The following FSTL5 variants were observed in gnomAD, a reference collection of about 807,000 sequenced individuals.
FSTL5 encodes the protein follistatin-related protein 5.
Under a neutral mutation model 89.1 loss-of-function variants are expected in FSTL5, and 62 were observed. That is an observed-to-expected ratio of 0.70 (90% confidence interval 0.57 to 0.86). FSTL5 has a LOEUF of 0.86. Ranked by LOEUF, FSTL5 falls within the 40% of genes least tolerant of loss-of-function variation. FSTL5 has a pLI of 0.00. For missense variants in FSTL5, 1,057 were observed against 1,001.6 expected (o/e 1.06, Z -0.75); for synonymous variants, 383 against 346.2 (o/e 1.11, Z -1.18).
intron 6 of FSTL5, among the ~76,000 whole-genome samples, chr4:161,755,149 G>A (rs1485925043): frequency 1.3e-5 from 2 of 151,836 alleles, no homozygotes; most frequent in Non-Finnish European, 2.9e-5. Flanking sequence ...AATCAGACAA[G>A]GCATGATATG....
intron 5 of FSTL5, among the ~76,000 whole-genome samples, chr4:161,764,500 C>T (rs981217947): frequency 1.3e-5 from 2 of 152,142 alleles, no homozygotes; most frequent in African/African-American, 4.8e-5. Context: ...TTCAGGTTGT[C>T]CACCTGCCTC....
chr4:162,033,604 C>A, intron 3 of FSTL5, 21 bp downstream of exon 3: 3 of 1,367,022 alleles, frequency 2.2e-6, no homozygotes, highest in Non-Finnish European at 3.0e-6. Flanking sequence ...TAATTGTTAT[C>A]TTAAAGCAAT....
intron 3 of FSTL5, among the ~76,000 whole-genome samples, chr4:161,927,826 T>C (rs1010940760): frequency 6.6e-6 from 1 of 151,756 alleles, no homozygotes; most frequent in African/African-American, 2.4e-5. Flanking sequence ...GTGTAATACA[T>C]TGATATTTAC....
intron 4 of FSTL5, among the ~76,000 whole-genome samples, chr4:161,861,848 A>G (rs1731927575): frequency 6.6e-6 from 1 of 152,242 alleles, no homozygotes; most frequent in African/African-American, 2.4e-5. Context: ...AGAAAATCTG[A>G]TCAATGCATG....
intron 3 of FSTL5, among the ~76,000 whole-genome samples, chr4:161,927,633 T>C (rs976062052): frequency 4.6e-5 from 7 of 151,854 alleles, no homozygotes; most frequent in African/African-American, 1.4e-4. Flanking sequence ...TTTTACAATA[T>C]ACTTTTTTCC....
chr4:161,719,862 C>A (rs951136421), intron 6 of FSTL5, among the ~76,000 whole-genome samples: 28 of 152,154 alleles, frequency 1.8e-4, no homozygotes, highest in African/African-American at 6.7e-4. Flanking sequence ...GTTTTTGGGA[C>A]TCTTTAGAAC....
chr4:161,783,875 C>G (rs1228920066), intron 4 of FSTL5, among the ~76,000 whole-genome samples: 1 of 149,946 alleles, frequency 6.7e-6, no homozygotes, highest in Non-Finnish European at 1.5e-5. Context: ...AAGAGACTCT[C>G]ATGCCTCAGC....
chr4:162,036,864 T>C (rs1417680861), intron 2 of FSTL5, among the ~76,000 whole-genome samples: 1 of 151,866 alleles, frequency 6.6e-6, no homozygotes, highest in East Asian at 1.9e-4. Flanking sequence ...TGGGATTAAA[T>C]GTCCAGTTCA....
chr4:162,091,745 C>T (rs570414867), intron 2 of FSTL5, among the ~76,000 whole-genome samples: 174 of 151,970 alleles, frequency 1.1e-3, no homozygotes, highest in African/African-American at 4.0e-3. Flanking sequence ...AATATTGTTG[C>T]GCTATTATTT....
chr4:161,466,984 C>T (rs568579911), intron 13 of FSTL5, among the ~76,000 whole-genome samples: 115 of 151,012 alleles, frequency 7.6e-4, no homozygotes, highest in Non-Finnish European at 1.5e-3. Context: ...ACATTTAATA[C>T]CAGTCCACAC....
chr4:161,832,831 G>C (rs982575744), intron 4 of FSTL5, among the ~76,000 whole-genome samples: 6 of 150,344 alleles, frequency 4.0e-5, no homozygotes, highest in Non-Finnish European at 8.9e-5. Context: ...CAAAAAACCA[G>C]CTCCTGGATT....
chr4:161,865,376 G>A (rs1174550015), intron 4 of FSTL5, among the ~76,000 whole-genome samples: 1 of 152,084 alleles, frequency 6.6e-6, no homozygotes, highest in Non-Finnish European at 1.5e-5. Flanking sequence ...TAAGTCAGTT[G>A]AAGAATAATT....
chr4:161,652,340 T>G (rs1203050100), intron 7 of FSTL5, among the ~76,000 whole-genome samples: 1 of 151,888 alleles, frequency 6.6e-6, no homozygotes, highest in Non-Finnish European at 1.5e-5. Context: ...GAGGTTGAGG[T>G]GGTAGGATCG....
intron 15 of FSTL5, among the ~76,000 whole-genome samples, chr4:161,394,233 G>A (rs577702467): frequency 7.6e-4 from 115 of 152,178 alleles, no homozygotes; most frequent in African/African-American, 2.6e-3. Context: ...TAAAGTTTTA[G>A]AAAATGCTTC....
At chr4:161,549,000 C>T (rs1008516865) in intron 8 of FSTL5, among the ~76,000 whole-genome samples, 2 of 151,692 alleles carry the variant, frequency 1.3e-5, no homozygotes, top group Non-Finnish European at 2.9e-5. Context: ...TTCTGGATGG[C>T]TGAATTTTCT....
chr4:161,897,326 A>G (rs1733193095), intron 4 of FSTL5, among the ~76,000 whole-genome samples: 1 of 151,746 alleles, frequency 6.6e-6, no homozygotes, highest in African/African-American at 2.4e-5. Context: ...CTATTTTTAT[A>G]CCTTTCTCTT....
chr4:161,609,323 G>C (rs1278640546), intron 7 of FSTL5, among the ~76,000 whole-genome samples: 3 of 152,060 alleles, frequency 2.0e-5, no homozygotes, highest in African/African-American at 7.2e-5. Context: ...TCTTTGACTA[G>C]ATTTATTACT....
At chr4:162,158,464 A>C (rs1733568460) in intron 1 of FSTL5, among the ~76,000 whole-genome samples, 1 of 152,124 alleles carries the variant, frequency 6.6e-6, no homozygotes, top group Non-Finnish European at 1.5e-5. Flanking sequence ...TTAATAATTA[A>C]GGAATAGTCT....
At chr4:161,551,148 G>A (rs886475542) in intron 8 of FSTL5, among the ~76,000 whole-genome samples, 1 of 151,350 alleles carries the variant, frequency 6.6e-6, no homozygotes, top group African/African-American at 2.4e-5. Flanking sequence ...AGATCCCTGA[G>A]GAATCGCCAC....
Sources: gnomAD v4.1 joint callset for allele counts (sites outside exome capture counted in the v4.1 genomes callset) on GRCh38, gnomAD v4.1.1 for gene constraint, MANE v1.5 for transcripts, NCBI Gene and HGNC (gene_info 2026-07-23, HGNC 2026-07-21) for gene names.